Variants in ARMC6 observed in about 807,000 individuals in gnomAD.
The protein encoded by ARMC6 is armadillo repeat containing 6.
ARMC6 carries 43 observed loss-of-function variants against 49.2 expected under a neutral mutation model. The observed-to-expected ratio is 0.87, with a 90% CI of 0.69 to 1.13. ARMC6 has a LOEUF of 1.13. Ranked by LOEUF, ARMC6 falls within the 50% of genes most tolerant of loss-of-function variation. The pLI is 0.00. For missense variants in ARMC6, 627 were observed against 682.0 expected (o/e 0.92, Z 0.90); for synonymous variants, 262 against 289.6 (o/e 0.90, Z 0.97).
chr19:19,054,046 A>T, intron 5 of ARMC6, 106 bp from the exon 6 acceptor site: 3 of 1,215,262 alleles, frequency 2.5e-6, no homozygotes, highest in Middle Eastern at 3.1e-4. Flanking sequence ...CCACTCCAAT[A>T]GGCAGAAGGG....
In ARMC6 at chr19:19,057,861, G is replaced by T. The variant is rs193110391; in HGVS notation, c.*233G>T. On this transcript the variant is annotated 3_prime_UTR_variant, in exon 9 of 9. Coordinates refer to ENST00000535612, the MANE Select transcript of ARMC6 (RefSeq NM_001199196.2). Reference sequence around the variant, plus strand: ...CTTCTGGGTCCCAGCCAGCAGCACGGATGTTACTGTCCTGCTCCTTCCCCC... The same window carrying T: ...CTTCTGGGTCCCAGCCAGCAGCACGTATGTTACTGTCCTGCTCCTTCCCCC... The T allele has an allele frequency of 2.9e-6, 2 of 697,054 alleles. No homozygotes were observed. The highest frequency in any genetic ancestry group is 1.7e-5 in the African/African-American group (1 of 57,588). 43.2% of individuals were successfully genotyped at this position (697,054 alleles called of 1,614,324 possible). A position where few individuals can be genotyped will look rare whatever the true frequency, so the allele number is the denominator to read the frequency against.
intron 2 of ARMC6, among the ~76,000 whole-genome samples, chr19:19,041,124 T>G (rs1057463733): frequency 2.6e-5 from 4 of 151,458 alleles, no homozygotes; most frequent in Non-Finnish European, 5.9e-5. Context: ...GTGAGCCACC[T>G]AGCCCTGGCC....
At chr19:19,046,651 C>T (rs987349884) in intron 4 of ARMC6, among the ~76,000 whole-genome samples, 8 of 151,278 alleles carry the variant, frequency 5.3e-5, no homozygotes, top group African/African-American at 7.3e-5. Flanking sequence ...TGCACCACCA[C>T]GCCCAGCGGA....
intron 2 of ARMC6, among the ~76,000 whole-genome samples, chr19:19,038,703 G>A (rs561686674): frequency 1.2e-4 from 19 of 152,122 alleles, no homozygotes; most frequent in African/African-American, 4.6e-4. Flanking sequence ...TCAGCCTCCC[G>A]AGTAGCTGGG....
intron 4 of ARMC6, among the ~76,000 whole-genome samples, chr19:19,046,193 T>C (rs2059448997): frequency 6.6e-6 from 1 of 151,910 alleles, no homozygotes; most frequent in East Asian, 2.0e-4. Context: ...TAACTGTTCT[T>C]TTATTTATTC....
chr19:19,056,649 G>T (rs907571460), intron 8 of ARMC6, among the ~76,000 whole-genome samples: 1 of 152,170 alleles, frequency 6.6e-6, no homozygotes, highest in African/African-American at 2.4e-5. Context: ...GTTTCAGAAA[G>T]GTTTCTGCCC....
intron 2 of ARMC6, among the ~76,000 whole-genome samples, chr19:19,041,217 G>A (rs2059409362): frequency 6.6e-6 from 1 of 152,094 alleles, no homozygotes. Context: ...TTTCTCCTAG[G>A]CATTTTTAGT....
chr19:19,058,015 C>A lies in ARMC6; in HGVS notation c.*387C>A. On this transcript the variant is annotated 3_prime_UTR_variant, in exon 9 of 9. Coordinates refer to ENST00000535612, the MANE Select transcript of ARMC6 (RefSeq NM_001199196.2). Reference sequence around the variant, plus strand: ...ATTCCAGTGGGGTTGGGCCCCCTGGCGCCTGCTGCTTACTGCAGTTTCATG... The same window carrying A: ...ATTCCAGTGGGGTTGGGCCCCCTGGAGCCTGCTGCTTACTGCAGTTTCATG... The A allele has an allele frequency of 3.0e-6, 1 of 334,542 alleles. No individual in the cohort carries two copies. The highest frequency in any genetic ancestry group is 2.6e-5 in the South Asian group (1 of 38,120). 20.7% of individuals were successfully genotyped at this position (334,542 alleles called of 1,614,324 possible).
chr19:19,034,187 A>AG lies in ARMC6; in HGVS notation c.-21dup. 6.3e-7 allele frequency: 1 copy of AG among 1,585,416 alleles called. No individual in the cohort carries two copies. The highest frequency in any genetic ancestry group is 8.5e-7 in the Non-Finnish European group (1 of 1,170,398). ...GGCCCCGTCCTAGGCAGTGGGGACA[A>AG]GGAGGCTACAGGGTACAAATAAATG... On this transcript the variant is annotated 5_prime_UTR_variant, in exon 2 of 9. Coordinates refer to ENST00000535612, the MANE Select transcript of ARMC6 (RefSeq NM_001199196.2).
Position 19,052,389 on chromosome 19 carries a change from C to T in ARMC6, c.853+194C>T, listed in dbSNP as rs76735656. ...TTTTCTAGTGGCTCCAGGAGAATTC[C>T]AGGCCAGCACTCAGGGGCCAGGAGC... On this transcript the variant is annotated intron_variant, in intron 5 of 8. Transcript: ENST00000535612. Among the ~76,000 whole-genome samples, 512 of 152,280 alleles carry T rather than the reference C, an allele frequency of 3.4e-3. 2 individuals are homozygous for T. Among genetic ancestry groups the T allele is most frequent in the Non-Finnish European group, 6.0e-3 (411 of 68,012 alleles).
At position 19,057,401 on chromosome 19, in the gene ARMC6, T is replaced by C; in HGVS notation, c.1294-15T>C. On this transcript the variant is annotated splice_polypyrimidine_tract_variant and intron_variant, in intron 8 of 8. Transcript: ENST00000535612. The stretch of plus-strand genomic sequence containing the variant: ...AAAGCCCCATCTGGCAGCTCACAGC[T>C]GCTCTCTCCTACAGAAACAGGCTTG... The C allele has an allele frequency of 1.2e-6, 2 of 1,608,928 alleles. No homozygotes were observed. Among genetic ancestry groups the C allele is most frequent in the Non-Finnish European group, 1.7e-6 (2 of 1,177,540 alleles).
intron 2 of ARMC6, among the ~76,000 whole-genome samples, chr19:19,035,211 G>A (rs2059348661): frequency 6.6e-6 from 1 of 151,994 alleles, no homozygotes; most frequent in Non-Finnish European, 1.5e-5. Flanking sequence ...TTGCTATGTT[G>A]GCCAGGCTGT....
Position 19,043,553 on chromosome 19 carries a change from G to A in ARMC6, c.197-439G>A, listed in dbSNP as rs543315737. Among the ~76,000 whole-genome samples the A allele has an allele frequency of 8.5e-5, 13 of 152,284 alleles. No individual in the cohort carries two copies. In the South Asian group the frequency reaches 2.5e-3, roughly 29 times the overall value. On this transcript the variant is annotated intron_variant, in intron 3 of 8. Transcript: ENST00000535612. ...AGTGGGGTATAGAACACTAGACAGG[G>A]GCCAGTGGGACAAGCAAAAGCGTCC...
At chr19:19,054,010 C>A in intron 5 of ARMC6, 142 bp from the exon 6 acceptor site, 2 of 745,666 alleles carry the variant, frequency 2.7e-6, no homozygotes, top group Non-Finnish European at 3.9e-6. Context: ...CCCTGGTGTT[C>A]CCTGGGGCCT....
chr19:19,037,824 G>A (rs929660270), intron 2 of ARMC6: 9 of 456,196 alleles, frequency 2.0e-5, no homozygotes, highest in African/African-American at 4.4e-5. Flanking sequence ...AGGTTCACTC[G>A]TACCCTGTCA....
chr19:19,057,539 G>T lies in ARMC6; in HGVS notation c.1417G>T (p.Asp473Tyr). 1 of 1,614,008 alleles carries T rather than the reference G, an allele frequency of 6.2e-7. No homozygotes were observed. Among genetic ancestry groups the T allele is most frequent in the Non-Finnish European group, 8.5e-7 (1 of 1,180,016 alleles). ...QARSAHRDCE[D>Y]VAKAALRDLG... ...CCGATCTGCCCACCGTGACTGTGAG[G>T]ACGTGGCCAAGGCCGCCCTGCGGGA... Residue 473 changes from aspartate to tyrosine, a missense_variant, in exon 9 of 9, where the codon GAC becomes TAC. Asp to Tyr is a radical substitution (Grantham distance 160). Coordinates refer to ENST00000535612, the MANE Select transcript of ARMC6 (RefSeq NM_001199196.2).
chr19:19,040,630 G>C, intron 2 of ARMC6: 1 of 302,464 alleles, frequency 3.3e-6, no homozygotes, highest in Admixed American at 4.4e-5. Flanking sequence ...ATTTGTTTTA[G>C]TATTATGAAA....
chr19:19,051,375 CTGTGTGTGTGTGTG>C (rs35164662), intron 4 of ARMC6, among the ~76,000 whole-genome samples: 7,166 of 139,758 alleles, frequency 0.051, 252 homozygotes, highest in Middle Eastern at 0.087. Flanking sequence ...CTCTCTCTCT[CTGTGTGTGTGTGTG>C]TGTGTGTGTG....
At chr19:19,053,394 C>T (rs2059515128) in intron 5 of ARMC6, among the ~76,000 whole-genome samples, 2 of 152,034 alleles carry the variant, frequency 1.3e-5, no homozygotes, top group Non-Finnish European at 2.9e-5. Context: ...GGCTGAGGCA[C>T]AAGGATCTCT....
Sources: allele counts gnomAD v4.1 joint callset (sites outside exome capture counted in the v4.1 genomes callset), GRCh38; gene constraint gnomAD v4.1.1; transcripts MANE v1.5; gene names NCBI Gene and HGNC (gene_info 2026-07-23, HGNC 2026-07-21).